TMEM161B: variants seen among roughly 807,000 people sequenced by gnomAD.
The protein encoded by TMEM161B is transmembrane protein 161B.
In TMEM161B, 34 loss-of-function variants were observed where a neutral mutation model predicts 61.8. That is an observed-to-expected ratio of 0.55 (90% CI 0.42 to 0.73). The LOEUF is 0.73. Ranked by LOEUF, TMEM161B falls within the 30% of genes least tolerant of loss-of-function variation. The pLI is 0.00. For missense variants in TMEM161B, 456 were observed against 558.5 expected (o/e 0.82, Z 1.85); for synonymous variants, 167 against 192.8 (o/e 0.87, Z 1.11).
intron 9 of TMEM161B, 97 bp from the exon 10 acceptor site, chr5:88,199,247 T>C (rs1450511661): frequency 6.5e-6 from 8 of 1,235,360 alleles, no homozygotes; most frequent in Admixed American, 2.9e-5. Context: ...ATAAGAAGTC[T>C]ATACTTCGCA....
chr5:88,193,503 G>C (rs561656686), downstream of TMEM161B, among the ~76,000 whole-genome samples: 12 of 152,158 alleles, frequency 7.9e-5, no homozygotes, highest in South Asian at 2.3e-3. Flanking sequence ...AAACCAATTA[G>C]TTCAAATTTG....
At chr5:88,230,959 G>C (rs1215085465) in intron 2 of TMEM161B, among the ~76,000 whole-genome samples, 1 of 152,016 alleles carries the variant, frequency 6.6e-6, no homozygotes, top group African/African-American at 2.4e-5. Flanking sequence ...GGAGGGGCCT[G>C]GAAATTAAGT....
chr5:88,196,181 A>C lies in TMEM161B; in HGVS notation c.*30T>G, dbSNP rs1749594735. 6.4e-7 allele frequency: 1 copy of C among 1,573,876 alleles called. No individual in the cohort carries two copies. The highest frequency in any genetic ancestry group is 1.9e-5 in the Admixed American group (1 of 52,258). ...CACAGATATTTTAATTTAAAGGGTG[A>C]TTTGGATATGCTTTTTTGTTAACTG... On this transcript the variant is annotated 3_prime_UTR_variant, in exon 12 of 12. Transcript: ENST00000296595.
chr5:88,189,791 A>C (rs1748602031), exon 13 of TMEM161B: 1 of 398,702 alleles, frequency 2.5e-6, no homozygotes, highest in African/African-American at 2.0e-5. Context: ...CTCTTTTAGA[A>C]GGGGTACATC....
At chr5:88,254,739 G>T (rs1379285490) in intron 1 of TMEM161B, among the ~76,000 whole-genome samples, 1 of 152,008 alleles carries the variant, frequency 6.6e-6, no homozygotes, top group Non-Finnish European at 1.5e-5. Flanking sequence ...CTATTCAGAA[G>T]GCTGAGGTGA....
chr5:88,232,579 ATT>A lies in TMEM161B; in HGVS notation c.108-4053_108-4052del, dbSNP rs11298266. 2.0e-5 allele frequency among the ~76,000 whole-genome samples: 3 copies of A among 151,126 alleles called. No homozygotes were observed. The South Asian group carries it at 6.3e-4, about 32-fold the overall frequency. The stretch of plus-strand genomic sequence containing the variant: ...GAAATATTTTAAGACACATTTTCTT[ATT>A]TTTTTTTTCTGAGACAGAGTCTCAC... On this transcript the variant is annotated intron_variant, in intron 2 of 11. Transcript: ENST00000296595.
At chr5:88,254,278 C>G (rs454822) in intron 1 of TMEM161B, among the ~76,000 whole-genome samples, 148,907 of 152,292 alleles carry the variant, frequency 0.98, 72,819 homozygotes, top group East Asian at 1. Context: ...ACTAGGTCAA[C>G]GTTCTAGATG....
Position 88,202,997 on chromosome 5 carries a change from A to AATGT in TMEM161B, c.875_878dup (p.Met294HisfsTer40). ...TTTCTTTGCCCAGTGGTGGGTTCAT[A>AATGT]ATGTAGTCTTTGGTGATTGGTTTTA... On this transcript the variant is annotated frameshift_variant, in exon 9 of 12. Coordinates refer to ENST00000296595, the MANE Select transcript of TMEM161B (RefSeq NM_153354.5). LOFTEE classifies it high-confidence loss of function. 6.2e-7 allele frequency: 1 copy of AATGT among 1,611,866 alleles called. No homozygotes were observed. Among genetic ancestry groups the AATGT allele is most frequent in the Non-Finnish European group, 8.5e-7 (1 of 1,178,182 alleles).
At chr5:88,198,724 T>C in intron 10 of TMEM161B, 1 of 347,574 alleles carries the variant, frequency 2.9e-6, no homozygotes, top group Admixed American at 4.5e-5. Context: ...TTAGCAATAT[T>C]AGGCATAAAA....
intron 5 of TMEM161B, among the ~76,000 whole-genome samples, chr5:88,209,058 T>C (rs1332113774): frequency 6.6e-6 from 1 of 152,202 alleles, no homozygotes; most frequent in East Asian, 1.9e-4. Context: ...CAGTGTAAAG[T>C]CTTCTACTTC....
chr5:88,187,078 G>A (rs888432073), downstream of TMEM161B, among the ~76,000 whole-genome samples: 4 of 152,184 alleles, frequency 2.6e-5, no homozygotes. Flanking sequence ...TTTTTAAAAT[G>A]TGGACATCCA....
chr5:88,226,398 T>C (rs1355662386), intron 3 of TMEM161B, among the ~76,000 whole-genome samples: 5 of 152,236 alleles, frequency 3.3e-5, no homozygotes, highest in Non-Finnish European at 7.3e-5. Context: ...CCGGTGTATC[T>C]GTATGATTCC....
chr5:88,247,574 T>G (rs982955312), intron 1 of TMEM161B, among the ~76,000 whole-genome samples: 1 of 152,126 alleles, frequency 6.6e-6, no homozygotes, highest in Non-Finnish European at 1.5e-5. Flanking sequence ...TTTACATGTT[T>G]TAGAGACAGC....
At chr5:88,250,270 G>A (rs1449553961) in intron 1 of TMEM161B, among the ~76,000 whole-genome samples, 1 of 152,026 alleles carries the variant, frequency 6.6e-6, no homozygotes, top group Non-Finnish European at 1.5e-5. Context: ...AGCTTGCCAG[G>A]TTTCTGGTTC....
chr5:88,238,718 T>C (rs1307640272), intron 2 of TMEM161B, among the ~76,000 whole-genome samples: 1 of 152,038 alleles, frequency 6.6e-6, no homozygotes, highest in Non-Finnish European at 1.5e-5. Context: ...TAGGTTTTTT[T>C]CTATTAAAAC....
chr5:88,254,529 A>G (rs1397851132), intron 1 of TMEM161B, among the ~76,000 whole-genome samples: 1 of 152,142 alleles, frequency 6.6e-6, no homozygotes, highest in African/African-American at 2.4e-5. Context: ...CATATTAGGT[A>G]AAAACATCAG....
intron 8 of TMEM161B, among the ~76,000 whole-genome samples, chr5:88,204,568 G>T (rs759593025): frequency 1.3e-4 from 20 of 152,256 alleles, no homozygotes; most frequent in Admixed American, 3.3e-4. Context: ...GGTTTCAGTA[G>T]CTTGTGAAGG....
At chr5:88,202,192 G>A in intron 9 of TMEM161B, 1 of 450,784 alleles carries the variant, frequency 2.2e-6, no homozygotes, top group Non-Finnish European at 4.5e-6. Context: ...GTGAGGAGGA[G>A]AGCTGGAGTT....
intron 5 of TMEM161B, among the ~76,000 whole-genome samples, chr5:88,208,477 G>A (rs1340894708): frequency 6.9e-6 from 1 of 144,904 alleles, no homozygotes; most frequent in Non-Finnish European, 1.5e-5. Context: ...GTGAGACTCC[G>A]TCTCCAAAAA....
Sources: allele counts gnomAD v4.1 joint callset (sites outside exome capture counted in the v4.1 genomes callset), GRCh38; gene constraint gnomAD v4.1.1; transcripts MANE v1.5; gene names NCBI Gene and HGNC (gene_info 2026-07-23, HGNC 2026-07-21).